The following IMMP2L variants were observed in gnomAD, a reference collection of about 807,000 sequenced individuals.
IMMP2L encodes the protein mitochondrial inner membrane protease subunit 2.
A neutral mutation model predicts 19.3 loss-of-function variants in IMMP2L; 18 were observed. The observed-to-expected ratio is 0.93, with a 90% CI of 0.64 to 1.38. IMMP2L has a LOEUF of 1.38. Among genes scored for constraint, IMMP2L ranks in the 40% most tolerant of loss-of-function variants. The probability of loss-of-function intolerance (pLI) is 0.00; values close to 1 mark genes in which losing one functional copy is unlikely to be tolerated. For missense variants in IMMP2L, 233 were observed against 218.2 expected (o/e 1.07, Z -0.43); for synonymous variants, 76 against 73.0 (o/e 1.04, Z -0.21).
intron 4 of IMMP2L, among the ~76,000 whole-genome samples, chr7:110,899,464 T>G (rs1811648094): frequency 6.6e-6 from 1 of 152,106 alleles, no homozygotes; most frequent in Admixed American, 6.6e-5. Flanking sequence ...CATACTACAT[T>G]CCATATTTGG....
intron 3 of IMMP2L, among the ~76,000 whole-genome samples, chr7:111,316,607 A>C (rs909331544): frequency 6.6e-6 from 1 of 152,102 alleles, no homozygotes; most frequent in Non-Finnish European, 1.5e-5. Context: ...TTCTTTATGA[A>C]GGAGTAGAGA....
intron 3 of IMMP2L, chr7:111,390,804 C>A (rs1271982905): frequency 1.3e-5 from 2 of 152,082 alleles, no homozygotes; most frequent in African/African-American, 4.8e-5. Flanking sequence ...AATTATGGAA[C>A]TGCAGTGGGG....
chr7:110,851,648 G>C (rs552512719), intron 5 of IMMP2L, among the ~76,000 whole-genome samples: 1 of 152,140 alleles, frequency 6.6e-6, no homozygotes, highest in Non-Finnish European at 1.5e-5. Flanking sequence ...AGGGAAATGA[G>C]GCAAGAAAGC....
At chr7:111,442,806 T>C (rs1837878443) in intron 3 of IMMP2L, among the ~76,000 whole-genome samples, 3 of 151,924 alleles carry the variant, frequency 2.0e-5, no homozygotes, top group Admixed American at 6.6e-5. Context: ...GGAGAGTAAG[T>C]GGTTTTAAGA....
At chr7:110,930,099 C>G (rs1337620779) in intron 4 of IMMP2L, among the ~76,000 whole-genome samples, 5 of 152,146 alleles carry the variant, frequency 3.3e-5, no homozygotes, top group Non-Finnish European at 7.4e-5. Context: ...CAGCGTAAAT[C>G]AGAAACCTTG....
chr7:111,551,722 C>T (rs1035092320), intron 1 of IMMP2L, among the ~76,000 whole-genome samples: 5 of 152,048 alleles, frequency 3.3e-5, no homozygotes, highest in African/African-American at 1.2e-4. Context: ...ATACAACCTT[C>T]TTCATCTGAA....
At chr7:111,203,264 C>A (rs369052549) in intron 3 of IMMP2L, among the ~76,000 whole-genome samples, 1 of 151,820 alleles carries the variant, frequency 6.6e-6, no homozygotes, top group Admixed American at 6.6e-5. Context: ...ATCCTATATA[C>A]CAGGTGCTGA....
At chr7:110,905,359 T>G (rs965759993) in intron 4 of IMMP2L, among the ~76,000 whole-genome samples, 2 of 152,160 alleles carry the variant, frequency 1.3e-5, no homozygotes, top group African/African-American at 2.4e-5. Context: ...TTTACCATCC[T>G]TAAAATTAGA....
chr7:110,765,954 T>C lies in IMMP2L; in HGVS notation c.409-102233A>G, dbSNP rs115028307. On this transcript the variant is annotated intron_variant, in intron 5 of 5. Transcript: ENST00000405709. ...TGTGCCTCATCCTATTTTTTAAAAA[T>C]ATACTTGATTTGCAGTGTGTGGTTG... is the stretch of plus-strand genomic sequence containing the variant. Among the ~76,000 whole-genome samples the C allele has an allele frequency of 6.7e-3, 1,026 of 152,310 alleles. 12 individuals are homozygous for C. Among genetic ancestry groups the C allele is most frequent in the African/African-American group, 0.023 (966 of 41,568 alleles).
At chr7:111,384,513 C>T (rs1831544035) in intron 3 of IMMP2L, among the ~76,000 whole-genome samples, 1 of 152,090 alleles carries the variant, frequency 6.6e-6, no homozygotes, top group Non-Finnish European at 1.5e-5. Flanking sequence ...CTTTGTAGGG[C>T]AGAAACTGGG....
intron 3 of IMMP2L, among the ~76,000 whole-genome samples, chr7:110,989,838 G>T (rs996225311): frequency 6.6e-6 from 1 of 151,712 alleles, no homozygotes; most frequent in Non-Finnish European, 1.5e-5. Flanking sequence ...AGAAATGTTG[G>T]CAGGGAAAAA....
chr7:110,887,313 C>T (rs1388439765), intron 4 of IMMP2L, among the ~76,000 whole-genome samples: 1 of 151,918 alleles, frequency 6.6e-6, no homozygotes, highest in Non-Finnish European at 1.5e-5. Context: ...GACTAAAGAT[C>T]GATGATACAC....
At chr7:110,720,330 T>A (rs1795490084) in intron 5 of IMMP2L, among the ~76,000 whole-genome samples, 1 of 152,218 alleles carries the variant, frequency 6.6e-6, no homozygotes, top group South Asian at 2.1e-4. Flanking sequence ...TTGAGCCTGG[T>A]AATTATTCTA....
chr7:111,258,371 C>A (rs1477131941), intron 3 of IMMP2L, among the ~76,000 whole-genome samples: 1 of 151,982 alleles, frequency 6.6e-6, no homozygotes, highest in African/African-American at 2.4e-5. Context: ...AAAATATGTT[C>A]ACAAGGTAGT....
At chr7:111,153,433 G>T (rs928954924) in intron 3 of IMMP2L, among the ~76,000 whole-genome samples, 1 of 151,930 alleles carries the variant, frequency 6.6e-6, no homozygotes, top group Non-Finnish European at 1.5e-5. Flanking sequence ...GTTAATAGGG[G>T]TAATCTTAAC....
At chr7:111,538,237 AAATT>A (rs752195836) in intron 1 of IMMP2L, among the ~76,000 whole-genome samples, 26 of 152,134 alleles carry the variant, frequency 1.7e-4, no homozygotes, top group Admixed American at 7.2e-4. Flanking sequence ...TTCATTGAAG[AAATT>A]AATTAACCAC....
At position 110,886,614 on chromosome 7, in the gene IMMP2L, A is replaced by G. The variant is rs776746006; in HGVS notation, c.387T>C (p.Phe129=). Residue 129 remains phenylalanine (F), a synonymous_variant, in exon 5 of 6, where the codon TTT becomes TTC. Transcript: ENST00000405709. The part of the protein sequence containing the change: ...WVEGDHHGHS[F]DSNSFGPVSL... ...TTACCGGCCCAAAAGAATTACTGTC[A>G]AAACTGTGTCCATGATGATCACCTT... The G allele has an allele frequency of 1.2e-6, 2 of 1,602,992 alleles. No individual in the cohort carries two copies. Among genetic ancestry groups the G allele is most frequent in the Non-Finnish European group, 1.7e-6 (2 of 1,170,002 alleles).
chr7:110,740,943 T>G (rs1171010409), intron 5 of IMMP2L, among the ~76,000 whole-genome samples: 1 of 146,588 alleles, frequency 6.8e-6, no homozygotes, highest in African/African-American at 2.5e-5. Flanking sequence ...AAAAAAGAAC[T>G]AAAAGTAGAT....
In IMMP2L at chr7:111,238,639, C is replaced by T. The variant is rs74332542; in HGVS notation, c.239+248599G>A. ...GAAAGGTTTTAGAGTGATAAAAGAC[C>T]CCTCAAAAGGTAAAATATCCATGCA... is the stretch of plus-strand genomic sequence containing the variant. On this transcript the variant is annotated intron_variant, in intron 3 of 5. Transcript: ENST00000405709. Among the ~76,000 whole-genome samples the T allele has an allele frequency of 4.4e-3, 668 of 151,808 alleles. 10 individuals are homozygous for T. Among genetic ancestry groups the T allele is most frequent in the African/African-American group, 0.016 (645 of 41,484 alleles).
Sources: allele counts gnomAD v4.1 joint callset (sites outside exome capture counted in the v4.1 genomes callset), GRCh38; gene constraint gnomAD v4.1.1; transcripts MANE v1.5; gene names NCBI Gene and HGNC (gene_info 2026-07-23, HGNC 2026-07-21).